Variants in ARG1 observed in about 807,000 individuals in gnomAD.
ARG1 encodes arginase-1.
A neutral mutation model predicts 33.0 loss-of-function variants in ARG1; 20 were observed. The observed-to-expected ratio is 0.61, with a 90% CI of 0.43 to 0.88. The LOEUF is 0.88. Among genes scored for constraint, ARG1 ranks in the 40% least tolerant of loss-of-function variants. ARG1 has a pLI of 0.00. For synonymous variants in ARG1, 146 were observed against 140.6 expected, an observed-to-expected ratio of 1.04 and a Z score of -0.27; for missense variants, 374 against 384.7, an observed-to-expected ratio of 0.97 and a Z score of 0.23.
chr6:131,581,519 G>T, intron 4 of ARG1, 141 bp downstream of exon 4: 1 of 1,045,960 alleles, frequency 9.6e-7, no homozygotes, highest in Non-Finnish European at 1.4e-6. Context: ...TAAGCAAAGG[G>T]TTGGTTGATA....
chr6:131,583,368 A>G lies in ARG1; in HGVS notation c.679A>G (p.Ile227Val). The G allele has an allele frequency of 5.6e-6, 9 of 1,614,192 alleles. No homozygotes were observed. The highest frequency in any genetic ancestry group is 7.6e-6 in the Non-Finnish European group (9 of 1,180,004). The change falls in exon 7 of 8, where the codon ATT becomes GTT. Residue 227 changes from isoleucine to valine, a missense_variant. By Grantham distance (29) the Ile-to-Val change is conservative (BLOSUM62 3). Coordinates refer to ENST00000368087, the MANE Select transcript of ARG1 (RefSeq NM_000045.4). ...SYLLGRKKRPIHLSFDVDGLD... is the reference protein window; with the variant it reads ...SYLLGRKKRPVHLSFDVDGLD... ...ACTTCTTAAAAGAAAGAAAAGGCCA[A>G]TTCATCTAAGTTTTGATGTTGACGG...
intron 2 of ARG1, among the ~76,000 whole-genome samples, chr6:131,578,542 A>C (rs952415126): frequency 1.3e-5 from 2 of 152,182 alleles, no homozygotes; most frequent in African/African-American, 4.8e-5. Flanking sequence ...CCAAAGTGTT[A>C]GGCTCAGTGC....
intron 1 of ARG1, chr6:131,574,348 A>T: frequency 1.2e-6 from 2 of 1,607,962 alleles, no homozygotes; most frequent in Non-Finnish European, 1.7e-6. Context: ...CTGCATTTGG[A>T]CTGTCAGTAA....
At chr6:131,578,939 C>A (rs915361516) in intron 2 of ARG1, 172 bp from the exon 3 acceptor site, 1 of 668,830 alleles carries the variant, frequency 1.5e-6, no homozygotes, top group Non-Finnish European at 2.5e-6. Flanking sequence ...GGTAACATGA[C>A]GTCAAGCAAA....
At chr6:131,573,407 A>G (rs1405891847) in intron 1 of ARG1, 68 bp downstream of exon 1, 2 of 1,476,034 alleles carry the variant, frequency 1.4e-6, no homozygotes, top group Non-Finnish European at 1.9e-6. Flanking sequence ...AAAATTTGTA[A>G]GGTGTTATTG....
intron 2 of ARG1, among the ~76,000 whole-genome samples, chr6:131,577,927 G>A (rs1249249643): frequency 1.3e-5 from 2 of 149,972 alleles, no homozygotes; most frequent in Non-Finnish European, 1.5e-5. Flanking sequence ...AAAAGAAAAA[G>A]GAATGGACCG....
At chr6:131,574,562 A>T (rs1488453560) in intron 1 of ARG1, among the ~76,000 whole-genome samples, 6 of 152,218 alleles carry the variant, frequency 3.9e-5, no homozygotes, top group African/African-American at 1.4e-4. Flanking sequence ...AAACATGGTC[A>T]TGAGAATGGA....
chr6:131,579,340 C>T (rs1773796349), intron 3 of ARG1, 55 bp downstream of exon 3: 1 of 1,582,840 alleles, frequency 6.3e-7, no homozygotes, highest in Non-Finnish European at 8.7e-7. Flanking sequence ...GTAACCAAGG[C>T]CATAAGAAGA....
At chr6:131,573,409 G>GTGTT in intron 1 of ARG1, 70 bp downstream of exon 1, 1 of 1,457,282 alleles carries the variant, frequency 6.9e-7, no homozygotes, top group Non-Finnish European at 9.6e-7. Flanking sequence ...AATTTGTAAG[G>GTGTT]TGTTATTGTC....
rs371431789 is a variant in ARG1 at position 131,580,987 on chromosome 6, TCA to T, written c.306-229_306-228del. On this transcript the variant is annotated intron_variant, in intron 3 of 7. Coordinates refer to ENST00000368087, the MANE Select transcript of ARG1 (RefSeq NM_000045.4). The stretch of plus-strand genomic sequence containing the variant: ...ACAAGGTGGATTTTGGGAAAAAAAA[TCA>T]CAGTTTTTTTAGTAATGCAATCGAT... Among the ~76,000 whole-genome samples, 38 of 152,282 alleles carry T rather than the reference TCA, an allele frequency of 2.5e-4. No homozygotes were observed. In the East Asian group the frequency reaches 2.5e-3, roughly 10 times the overall value.
chr6:131,574,780 T>C (rs1030148908), intron 1 of ARG1, among the ~76,000 whole-genome samples: 9 of 152,154 alleles, frequency 5.9e-5, no homozygotes, highest in Non-Finnish European at 1.0e-4. Flanking sequence ...CTCACCTCCT[T>C]GAAAGGCTTG....
intron 1 of ARG1, chr6:131,574,373 C>T: frequency 5.9e-6 from 9 of 1,535,606 alleles, no homozygotes; most frequent in Non-Finnish European, 8.1e-6. Context: ...TACTTTGCTT[C>T]CCCTGGAAAT....
Position 131,577,555 on chromosome 6 carries a change from T to C in ARG1, c.130+820T>C, listed in dbSNP as rs191786325. On this transcript the variant is annotated intron_variant, in intron 2 of 7. Transcript: ENST00000368087. The stretch of plus-strand genomic sequence containing the variant: ...AGCAAAATGCCCATCAACTGGTAGA[T>C]GGTTAAACAAAAAGTGTCACATCCA... 7.4e-3 allele frequency among the ~76,000 whole-genome samples: 1,133 copies of C among 152,086 alleles called. 15 individuals carry two copies. The highest frequency in any genetic ancestry group is 0.025 in the African/African-American group (1,032 of 41,486).
intron 1 of ARG1, 148 bp downstream of exon 1, chr6:131,573,487 C>T (rs1329352449): frequency 5.2e-6 from 4 of 765,038 alleles, no homozygotes; most frequent in South Asian, 1.6e-5. Context: ...TCACCATTTT[C>T]CAACATTGTA....
intron 1 of ARG1, 67 bp from the exon 2 acceptor site, chr6:131,576,595 AG>A: frequency 7.0e-7 from 1 of 1,423,368 alleles, no homozygotes; most frequent in Non-Finnish European, 9.9e-7. Context: ...AATAATGAAA[AG>A]GGTTCCTGCT....
chr6:131,579,274 C>T lies in ARG1; in HGVS notation c.294C>T (p.Gly98=), dbSNP rs763868954. 4.3e-6 allele frequency: 7 copies of T among 1,613,794 alleles called. No homozygotes were observed. The highest frequency in any genetic ancestry group is 3.3e-5 in the Admixed American group (2 of 59,978). ...KKNGRISLVL[G]GDHSLAIGSI... ...ACGGAAGAATCAGCCTGGTGCTGGG[C>T]GGAGACCACAGGTCTTGTTGAATAA... The change falls in exon 3 of 8, where the codon GGC becomes GGT. Residue 98 remains glycine, a synonymous_variant. Transcript: ENST00000368087.
chr6:131,583,965 A>C lies in ARG1; in HGVS notation c.*57A>C. On this transcript the variant is annotated 3_prime_UTR_variant, in exon 8 of 8. Transcript: ENST00000368087. ...TAATGGCATAATTAGAAAGCTAATC[A>C]TTTTCTTAAGCATAGAGTTATCCTT... The C allele has an allele frequency of 1.9e-6, 3 of 1,582,984 alleles. No individual in the cohort carries two copies.
chr6:131,578,548 A>C (rs935917277), intron 2 of ARG1, among the ~76,000 whole-genome samples: 1 of 152,218 alleles, frequency 6.6e-6, no homozygotes, highest in African/African-American at 2.4e-5. Flanking sequence ...TGTTAGGCTC[A>C]GTGCTAAGTA....
Position 131,583,108 on chromosome 6 carries a change from GGACA to G in ARG1, c.613_616del (p.Arg205Ter). Reference sequence around the variant, plus strand: ...TTAAATACTTTTCAATGACTGAAGTGGACAGACTAGGAATTGGCAAGGTGATGGA... The same window carrying G: ...TTAAATACTTTTCAATGACTGAAGTGGACTAGGAATTGGCAAGGTGATGGA... On this transcript the variant is annotated frameshift_variant, in exon 6 of 8. Coordinates refer to ENST00000368087, the MANE Select transcript of ARG1 (RefSeq NM_000045.4). LOFTEE classifies it high-confidence loss of function. 6.2e-7 allele frequency: 1 copy of G among 1,613,870 alleles called. No individual in the cohort carries two copies. The highest frequency in any genetic ancestry group is 8.5e-7 in the Non-Finnish European group (1 of 1,179,902).
Sources: allele counts gnomAD v4.1 joint callset (sites outside exome capture counted in the v4.1 genomes callset), GRCh38; gene constraint gnomAD v4.1.1; transcripts MANE v1.5; gene names NCBI Gene and HGNC (gene_info 2026-07-23, HGNC 2026-07-21).